Variants in ARB2A observed in about 807,000 individuals in gnomAD.
ARB2A encodes the protein cotranscriptional regulator ARB2A.
At chr5:93,894,112 T>C in the ARB2A span, among the ~76,000 whole-genome samples, 1 of 152,326 alleles carries the variant, frequency 6.6e-6, no homozygotes, top group East Asian at 1.9e-4. Context: ...ATTATTTTTA[T>C]AGACTATTTT....
the ARB2A span, among the ~76,000 whole-genome samples, chr5:93,731,745 T>C: frequency 6.6e-6 from 1 of 152,258 alleles, no homozygotes; most frequent in African/African-American, 2.4e-5. Flanking sequence ...ACATTACACA[T>C]CCTGAAAGGA....
the ARB2A span, among the ~76,000 whole-genome samples, chr5:93,985,409 C>T: frequency 6.6e-6 from 1 of 151,842 alleles, no homozygotes; most frequent in East Asian, 1.9e-4. Flanking sequence ...TCCCCCTCTC[C>T]CTCTTTCCAC....
At chr5:93,964,139 TAAATAA>T in the ARB2A span, among the ~76,000 whole-genome samples, 3 of 151,974 alleles carry the variant, frequency 2.0e-5, no homozygotes, top group East Asian at 5.8e-4. Flanking sequence ...TTACTACAAA[TAAATAA>T]AAATAAATTA....
chr5:94,020,545 G>A, the ARB2A span, among the ~76,000 whole-genome samples: 1 of 152,180 alleles, frequency 6.6e-6, no homozygotes. Flanking sequence ...AGTCACTGAT[G>A]CTACCAAACA....
chr5:94,033,520 G>T, the ARB2A span, among the ~76,000 whole-genome samples: 1 of 152,144 alleles, frequency 6.6e-6, no homozygotes, highest in Admixed American at 6.5e-5. Context: ...CTCCACCCTA[G>T]TTCAAGCAAT....
the ARB2A span, among the ~76,000 whole-genome samples, chr5:93,731,503 C>T: frequency 6.6e-6 from 1 of 152,158 alleles, no homozygotes; most frequent in Non-Finnish European, 1.5e-5. Context: ...TTCAAGCCAC[C>T]CAATCTGTGG....
At chr5:93,825,892 G>A in the ARB2A span, among the ~76,000 whole-genome samples, 1 of 150,670 alleles carries the variant, frequency 6.6e-6, no homozygotes, top group East Asian at 1.9e-4. Flanking sequence ...CTAAAAATAA[G>A]GAAAAATGAA....
the ARB2A span, among the ~76,000 whole-genome samples, chr5:93,878,166 A>T: frequency 2.7e-5 from 4 of 148,932 alleles, no homozygotes; most frequent in East Asian, 7.7e-4. Context: ...GTTTGTTGGA[A>T]TGTTTCCTCA....
the ARB2A span, chr5:93,682,965 C>T: frequency 8.9e-6 from 14 of 1,581,866 alleles, no homozygotes; most frequent in Non-Finnish European, 1.2e-5. Flanking sequence ...TCTATACTTG[C>T]TTGCATTTTT....
At chr5:93,627,461 T>TTTTTTTG in the ARB2A span, among the ~76,000 whole-genome samples, 1 of 150,222 alleles carries the variant, frequency 6.7e-6, no homozygotes, top group African/African-American at 2.5e-5. Context: ...TTTTTTTTTT[T>TTTTTTTG]GAGATGGAGT....
chr5:93,813,357 AG>A, the ARB2A span, among the ~76,000 whole-genome samples: 1 of 152,166 alleles, frequency 6.6e-6, no homozygotes, highest in African/African-American at 2.4e-5. Context: ...GAGATTTCTA[AG>A]TAAAGTGTTA....
At chr5:93,705,544 A>G in the ARB2A span, among the ~76,000 whole-genome samples, 62 of 151,706 alleles carry the variant, frequency 4.1e-4, no homozygotes, top group East Asian at 9.9e-3. Flanking sequence ...ACTTCCTGAC[A>G]TTATGCTTCT....
the ARB2A span, among the ~76,000 whole-genome samples, chr5:93,893,598 G>T: frequency 1.3e-5 from 2 of 152,126 alleles, no homozygotes; most frequent in Admixed American, 1.3e-4. Flanking sequence ...TATTCAAAAT[G>T]CTCTTTTAAA....
the ARB2A span, among the ~76,000 whole-genome samples, chr5:94,016,558 A>G: frequency 6.6e-6 from 1 of 152,188 alleles, no homozygotes; most frequent in Admixed American, 6.5e-5. Context: ...AGTGGAATAG[A>G]CCAGATGAAG....
At chr5:93,784,476 T>C in the ARB2A span, 11 of 1,612,730 alleles carry the variant, frequency 6.8e-6, no homozygotes, top group South Asian at 4.4e-5. Context: ...CCTTATTTTT[T>C]ACATCGGCTT....
At chr5:93,793,236 CTAA>C in the ARB2A span, among the ~76,000 whole-genome samples, 2 of 42,358 alleles carry the variant, frequency 4.7e-5, no homozygotes, top group African/African-American at 1.2e-4. Flanking sequence ...ACACTTCTGG[CTAA>C]TTTTTTTTTT....
chr5:93,825,111 G>C, the ARB2A span, among the ~76,000 whole-genome samples: 1 of 152,186 alleles, frequency 6.6e-6, no homozygotes, highest in South Asian at 2.1e-4. Context: ...GATCCAAATT[G>C]TTAAAAATGT....
At chr5:93,668,084 AT>A in the ARB2A span, among the ~76,000 whole-genome samples, 1 of 152,206 alleles carries the variant, frequency 6.6e-6, no homozygotes. Flanking sequence ...ATATAAAAAT[AT>A]TATGTTCTTA....
chr5:93,980,510 A>C, the ARB2A span, among the ~76,000 whole-genome samples: 1 of 152,150 alleles, frequency 6.6e-6, no homozygotes, highest in Admixed American at 6.5e-5. Context: ...TTCACAGATA[A>C]TGTTTCTTCA....
Sources: allele counts gnomAD v4.1 joint callset (sites outside exome capture counted in the v4.1 genomes callset), GRCh38; gene constraint gnomAD v4.1.1; transcripts MANE v1.5; gene names NCBI Gene and HGNC (gene_info 2026-07-23, HGNC 2026-07-21).